Variants in CHKA observed in about 807,000 individuals in gnomAD.
CHKA encodes CHETK-alpha.
Under a neutral mutation model 60.1 loss-of-function variants are expected in CHKA, and 34 were observed. The ratio of observed to expected loss-of-function variants is 0.57; its 90% confidence interval spans 0.43 to 0.75. CHKA has a LOEUF of 0.75. Ranked by LOEUF, CHKA falls within the 30% of genes least tolerant of loss-of-function variation. The pLI, the probability that CHKA is intolerant of heterozygous loss-of-function variation, is 0.00. For synonymous variants in CHKA, 217 were observed against 223.1 expected, an observed-to-expected ratio of 0.97 and a Z score of 0.24; for missense variants, 563 against 561.3, an observed-to-expected ratio of 1.00 and a Z score of -0.03.
chr11:68,113,619 C>T (rs551384044), intron 1 of CHKA, among the ~76,000 whole-genome samples: 4 of 152,022 alleles, frequency 2.6e-5, no homozygotes, highest in South Asian at 2.1e-4. Context: ...TGCTTGAACC[C>T]GGGAGGCGGA....
chr11:68,072,469 C>A (rs894297270), intron 4 of CHKA, among the ~76,000 whole-genome samples: 5 of 149,696 alleles, frequency 3.3e-5, no homozygotes, highest in African/African-American at 9.8e-5. Context: ...ATCACTTGAG[C>A]CTGGGAGGTT....
At chr11:68,082,328 T>G (rs891455615) in intron 2 of CHKA, among the ~76,000 whole-genome samples, 7 of 152,146 alleles carry the variant, frequency 4.6e-5, no homozygotes, top group African/African-American at 1.7e-4. Context: ...AGTCAGAAAC[T>G]TGTGTCACGT....
chr11:68,056,512 C>T (rs1231515387), intron 11 of CHKA, among the ~76,000 whole-genome samples: 1 of 152,158 alleles, frequency 6.6e-6, no homozygotes, highest in Non-Finnish European at 1.5e-5. Flanking sequence ...CACGGTTGTC[C>T]ACATTTCAAT....
In CHKA at chr11:68,119,417, T is replaced by C. The variant is rs150959025; in HGVS notation, c.350+1411A>G. Among the ~76,000 whole-genome samples, 280 of 152,292 alleles carry C rather than the reference T, an allele frequency of 1.8e-3. 5 individuals carry two copies. The highest frequency in any genetic ancestry group is 3.7e-4 in the Non-Finnish European group (25 of 68,022). ...AGCCAGCCAGCAAATTTCTAGATACTGCACACAACCTGTCAGCCAATTAAA... is the reference window on the plus strand; with the variant it reads ...AGCCAGCCAGCAAATTTCTAGATACCGCACACAACCTGTCAGCCAATTAAA... On this transcript the variant is annotated intron_variant, in intron 1 of 11. Transcript: ENST00000265689.
At chr11:68,110,921 C>G (rs1266426702) in intron 1 of CHKA, among the ~76,000 whole-genome samples, 1 of 151,370 alleles carries the variant, frequency 6.6e-6, no homozygotes, top group Non-Finnish European at 1.5e-5. Context: ...TCGCTTGAAT[C>G]CAGGAGGCGG....
intron 3 of CHKA, among the ~76,000 whole-genome samples, chr11:68,077,116 T>A (rs1856818272): frequency 6.6e-6 from 1 of 152,170 alleles, no homozygotes; most frequent in African/African-American, 2.4e-5. Context: ...GGCGGGCACC[T>A]GTAATCCCAG....
chr11:68,064,190 G>T (rs1856357333), intron 10 of CHKA, among the ~76,000 whole-genome samples: 1 of 152,126 alleles, frequency 6.6e-6, no homozygotes, highest in Admixed American at 6.6e-5. Context: ...GTGGATCACT[G>T]GAGGTCAGGA....
intron 1 of CHKA, among the ~76,000 whole-genome samples, chr11:68,109,578 A>G (rs1201812004): frequency 6.6e-6 from 1 of 152,180 alleles, no homozygotes; most frequent in African/African-American, 2.4e-5. Context: ...ACTAAGAAAA[A>G]TGGGTAAAGT....
intron 2 of CHKA, among the ~76,000 whole-genome samples, chr11:68,095,135 T>C (rs961437491): frequency 6.6e-6 from 1 of 152,092 alleles, no homozygotes; most frequent in African/African-American, 2.4e-5. Flanking sequence ...CCAGGCGCGG[T>C]GGCTCATGCC....
intron 1 of CHKA, among the ~76,000 whole-genome samples, chr11:68,112,711 T>C (rs1478207654): frequency 6.6e-6 from 1 of 152,196 alleles, no homozygotes; most frequent in Admixed American, 6.5e-5. Context: ...AAAAGACACA[T>C]TTGATAAAGG....
chr11:68,073,030 G>A (rs1856673155), intron 4 of CHKA, among the ~76,000 whole-genome samples: 1 of 152,088 alleles, frequency 6.6e-6, no homozygotes, highest in Non-Finnish European at 1.5e-5. Context: ...ATACATACAA[G>A]AGCATAGATA....
chr11:68,118,669 A>G (rs1858488369), intron 1 of CHKA, among the ~76,000 whole-genome samples: 1 of 152,186 alleles, frequency 6.6e-6, no homozygotes, highest in Non-Finnish European at 1.5e-5. Flanking sequence ...TTATTCCATA[A>G]CTACGTTCTC....
chr11:68,072,607 C>G (rs1410113671), intron 4 of CHKA, among the ~76,000 whole-genome samples: 2 of 145,582 alleles, frequency 1.4e-5, no homozygotes, highest in African/African-American at 5.1e-5. Context: ...TAGGTTGAAT[C>G]AAATGAAACT....
At chr11:68,106,320 G>A (rs919104343) in intron 1 of CHKA, among the ~76,000 whole-genome samples, 1 of 152,122 alleles carries the variant, frequency 6.6e-6, no homozygotes, top group African/African-American at 2.4e-5. Flanking sequence ...GGAGGTCAAG[G>A]TGAAAGGATT....
chr11:68,055,380 G>A (rs1282013865), intron 11 of CHKA, among the ~76,000 whole-genome samples: 1 of 152,220 alleles, frequency 6.6e-6, no homozygotes, highest in Non-Finnish European at 1.5e-5. Context: ...GCAACAGAGT[G>A]AGACTCTGTC....
At chr11:68,066,538 T>C in intron 7 of CHKA, 22 bp from the exon 8 acceptor site, 1 of 1,587,310 alleles carries the variant, frequency 6.3e-7, no homozygotes, top group Non-Finnish European at 8.7e-7. Context: ...TTGGATAACA[T>C]GGTTTATGTT....
chr11:68,074,357 C>A (rs1346801196), intron 4 of CHKA, among the ~76,000 whole-genome samples: 1 of 152,100 alleles, frequency 6.6e-6, no homozygotes, highest in African/African-American at 2.4e-5. Context: ...CACAGGGCTA[C>A]AGTCAGAGAC....
At chr11:68,092,057 C>A (rs528491757) in intron 2 of CHKA, among the ~76,000 whole-genome samples, 5 of 152,238 alleles carry the variant, frequency 3.3e-5, no homozygotes, top group African/African-American at 1.2e-4. Flanking sequence ...ATTATAGCTG[C>A]ATTTATAAAG....
chr11:68,084,692 G>A (rs1361333726), intron 2 of CHKA, among the ~76,000 whole-genome samples: 2 of 151,080 alleles, frequency 1.3e-5, no homozygotes, highest in Non-Finnish European at 2.9e-5. Context: ...ACATTACTGT[G>A]GTCATTTTTA....
Sources: allele counts gnomAD v4.1 joint callset (sites outside exome capture counted in the v4.1 genomes callset), GRCh38; gene constraint gnomAD v4.1.1; transcripts MANE v1.5; gene names NCBI Gene and HGNC (gene_info 2026-07-23, HGNC 2026-07-21).